PLEKHH2: variants seen among roughly 807,000 people sequenced by gnomAD.
The protein encoded by PLEKHH2 is pleckstrin homology domain-containing family H member 2.
In PLEKHH2, 129 loss-of-function variants were observed where a neutral mutation model predicts 187.9. That is an observed-to-expected ratio of 0.69 (90% CI 0.59 to 0.79). The LOEUF is 0.79. PLEKHH2 is among the 30% of genes least tolerant of loss of function. PLEKHH2 has a pLI of 0.00. For synonymous variants in PLEKHH2, 686 were observed against 605.6 expected (o/e 1.13, Z -1.95); for missense variants, 2,076 against 1,751.2 (o/e 1.19, Z -3.31).
At chr2:43,684,929 A>C (rs1393811963) in intron 3 of PLEKHH2, among the ~76,000 whole-genome samples, 2 of 151,924 alleles carry the variant, frequency 1.3e-5, no homozygotes, top group Non-Finnish European at 2.9e-5. Flanking sequence ...TATTTACTGC[A>C]TATTTTGTTA....
At chr2:43,676,908 T>A (rs1028771601) in intron 2 of PLEKHH2, among the ~76,000 whole-genome samples, 4 of 152,210 alleles carry the variant, frequency 2.6e-5, no homozygotes, top group Non-Finnish European at 4.4e-5. Context: ...CTTGATGTCA[T>A]TATGACTTTT....
rs897903686 is a variant in PLEKHH2, at chr2:43,767,243, C to G, written c.*1645C>G. ...TTAGCTGCTGAATTAATTTGTTGCCCGAGCCTTCATATTTTCTTCTTTGCT... is the reference window on the plus strand; with the variant it reads ...TTAGCTGCTGAATTAATTTGTTGCCGGAGCCTTCATATTTTCTTCTTTGCT... On this transcript the variant is annotated 3_prime_UTR_variant, in exon 30 of 30. Transcript: ENST00000282406. The G allele has an allele frequency of 3.3e-5, 5 of 151,908 alleles. No individual in the cohort carries two copies. The highest frequency in any genetic ancestry group is 4.8e-5 in the African/African-American group (2 of 41,296). The allele number at this position is 151,908 out of a possible 1,614,324, so 9.4% of individuals were successfully genotyped here.
intron 2 of PLEKHH2, chr2:43,676,450 C>T (rs1572531592): frequency 4.4e-6 from 3 of 686,684 alleles, no homozygotes; most frequent in South Asian, 4.2e-5. Context: ...GGTCGCTTCT[C>T]GGTGGCGTAG....
rs537108294 is a variant in PLEKHH2, at chr2:43,679,557, G to A, written c.186+632G>A. 36 of 302,108 alleles carry A rather than the reference G, an allele frequency of 1.2e-4. 1 individual carries two copies. Among genetic ancestry groups the A allele is most frequent in the South Asian group, 8.1e-4 (31 of 38,410 alleles). The allele number at this position is 302,108 out of a possible 1,614,324, so 18.7% of individuals were successfully genotyped here. On this transcript the variant is annotated intron_variant, in intron 3 of 29. Transcript: ENST00000282406. ...GTGGCCCAGGCTGGAGTGCAGTGGC[G>A]CGATCTTGGCTTACTGCAACCTCCG... is the stretch of plus-strand genomic sequence containing the variant.
At chr2:43,728,087 A>T (rs1670853482) in intron 17 of PLEKHH2, among the ~76,000 whole-genome samples, 1 of 152,212 alleles carries the variant, frequency 6.6e-6, no homozygotes, top group Non-Finnish European at 1.5e-5. Context: ...AAATTAGTGT[A>T]AATGCTTTGG....
Position 43,721,680 on chromosome 2 carries a change from G to A in PLEKHH2, c.2541+931G>A, listed in dbSNP as rs550142804. ...GTGGGAGGATCGTTTGAGCCCAGGA[G>A]TTTGAGACCAGCCTGGACAACATAG... On this transcript the variant is annotated intron_variant, in intron 16 of 29. Transcript: ENST00000282406. Among the ~76,000 whole-genome samples, 10 of 152,272 alleles carry A rather than the reference G, an allele frequency of 6.6e-5. No homozygotes were observed. In the East Asian group the frequency reaches 1.9e-3, roughly 29 times the overall value.
Position 43,692,798 on chromosome 2 carries a change from T to C in PLEKHH2, c.336+135T>C, listed in dbSNP as rs190882953. On this transcript the variant is annotated intron_variant, in intron 4 of 29. Coordinates refer to ENST00000282406, the MANE Select transcript of PLEKHH2 (RefSeq NM_172069.4). ...TATTCGGTCAACCCATAGGATTGCA[T>C]CACATTTATTGGTGAAAGGTGCAAG... 2.6e-3 allele frequency: 2,529 copies of C among 955,370 alleles called. 3 individuals carry two copies. The highest frequency in any genetic ancestry group is 3.6e-3 in the Non-Finnish European group (2,290 of 642,306). The allele number at this position is 955,370 out of a possible 1,614,324, so 59.2% of individuals were successfully genotyped here. A position where few individuals can be genotyped will look rare whatever the true frequency, so the allele number is the denominator to read the frequency against.
chr2:43,681,388 C>G lies in PLEKHH2; in HGVS notation c.186+2463C>G, dbSNP rs184812049. The G allele has an allele frequency of 3.5e-3, 5,392 of 1,535,686 alleles. 16 individuals are homozygous for G. Among genetic ancestry groups the G allele is most frequent in the Non-Finnish European group, 4.2e-3 (4,726 of 1,130,750 alleles). On this transcript the variant is annotated intron_variant, in intron 3 of 29. Transcript: ENST00000282406. Reference sequence around the variant, plus strand: ...ACTTCTTGGCTGCTACTGGAAGGTTCTTGTCGACTTTGTTCTTTCCTTTGT... The same window carrying G: ...ACTTCTTGGCTGCTACTGGAAGGTTGTTGTCGACTTTGTTCTTTCCTTTGT...
chr2:43,725,749 C>A (rs1378894481), intron 16 of PLEKHH2, among the ~76,000 whole-genome samples: 3 of 152,102 alleles, frequency 2.0e-5, no homozygotes, highest in South Asian at 4.1e-4. Flanking sequence ...TACTTTTAGG[C>A]TCTTTGGTTG....
chr2:43,726,228 G>T lies in PLEKHH2; in HGVS notation c.2542-44G>T, dbSNP rs201178892. ...ACTATGAAATGTTTTAGTAGGAAAA[G>T]ATTTAGAAAATGCCTTCCTCACAAT... On this transcript the variant is annotated intron_variant, in intron 16 of 29. Coordinates refer to ENST00000282406, the MANE Select transcript of PLEKHH2 (RefSeq NM_172069.4). 1.6e-4 allele frequency: 217 copies of T among 1,372,432 alleles called. No individual in the cohort carries two copies. In the African/African-American group the frequency reaches 2.1e-3, roughly 13 times the overall value. 85.0% of individuals were successfully genotyped at this position (1,372,432 alleles called of 1,614,324 possible). A position where few individuals can be genotyped will look rare whatever the true frequency, so the allele number is the denominator to read the frequency against.
At position 43,647,420 on chromosome 2, in the gene PLEKHH2, C is replaced by T. The variant is rs1428235285; in HGVS notation, c.123+2624C>T. ...CATTCTGTCTTTTTAAGCCTGAAGG[C>T]TTAGCTATCAGCCTATATGGCCTTT... On this transcript the variant is annotated intron_variant, in intron 2 of 29. Coordinates refer to ENST00000282406, the MANE Select transcript of PLEKHH2 (RefSeq NM_172069.4). Among the ~76,000 whole-genome samples, 9 of 152,190 alleles carry T rather than the reference C, an allele frequency of 5.9e-5. No individual in the cohort carries two copies. In the South Asian group the frequency reaches 1.9e-3, roughly 31 times the overall value.
At chr2:43,763,723 C>T (rs1672518405) in intron 28 of PLEKHH2, among the ~76,000 whole-genome samples, 1 of 151,504 alleles carries the variant, frequency 6.6e-6, no homozygotes, top group South Asian at 2.1e-4. Context: ...GTTTTGGAAA[C>T]ACATTAGAAA....
At chr2:43,644,918 A>T in intron 2 of PLEKHH2, 122 bp downstream of exon 2, 1 of 1,114,754 alleles carries the variant, frequency 9.0e-7, no homozygotes, top group Non-Finnish European at 1.2e-6. Flanking sequence ...TTGAAGCTAT[A>T]TTTGGCATAT....
In PLEKHH2 at chr2:43,703,888, A is replaced by G. The variant is rs991435730; in HGVS notation, c.1651-93A>G. On this transcript the variant is annotated intron_variant, in intron 8 of 29. Transcript: ENST00000282406. ...TCTAGTGAATCTTAAATGAAGAACAAATGAAAAACATGTGTATTGAAAGTA... is the reference window on the plus strand; with the variant it reads ...TCTAGTGAATCTTAAATGAAGAACAGATGAAAAACATGTGTATTGAAAGTA... The G allele has an allele frequency of 3.6e-5, 29 of 805,230 alleles. No homozygotes were observed. In the Admixed American group the frequency reaches 7.1e-4, roughly 20 times the overall value. The allele number at this position is 805,230 out of a possible 1,614,324, so 49.9% of individuals were successfully genotyped here.
chr2:43,701,427 T>C (rs751399251), intron 8 of PLEKHH2, among the ~76,000 whole-genome samples: 2 of 152,124 alleles, frequency 1.3e-5, no homozygotes, highest in Non-Finnish European at 2.9e-5. Flanking sequence ...CAGTGTTCAA[T>C]TACTGGAGGT....
At chr2:43,652,952 G>GA (rs965476085) in intron 2 of PLEKHH2, among the ~76,000 whole-genome samples, 5 of 152,090 alleles carry the variant, frequency 3.3e-5, no homozygotes, top group Non-Finnish European at 7.4e-5. Flanking sequence ...AAACATGGTA[G>GA]AAAAAATGGC....
At chr2:43,748,516 A>G (rs1264910691) in intron 24 of PLEKHH2, among the ~76,000 whole-genome samples, 5 of 152,250 alleles carry the variant, frequency 3.3e-5, no homozygotes, top group Non-Finnish European at 5.9e-5. Flanking sequence ...CACGTGGAAC[A>G]TGTTAGAAAT....
intron 2 of PLEKHH2, among the ~76,000 whole-genome samples, chr2:43,660,475 T>A (rs116529910): frequency 0.011 from 1,603 of 150,886 alleles, 55 homozygotes; most frequent in East Asian, 0.047. Context: ...GAATTTATTT[T>A]TTTTTTTTTA....
At chr2:43,693,875 C>G (rs1668958955) in intron 4 of PLEKHH2, among the ~76,000 whole-genome samples, 1 of 151,986 alleles carries the variant, frequency 6.6e-6, no homozygotes, top group Non-Finnish European at 1.5e-5. Context: ...TTGATAAAGA[C>G]CAGTGTTTCT....
Sources: gnomAD v4.1 joint callset for allele counts (sites outside exome capture counted in the v4.1 genomes callset) on GRCh38, gnomAD v4.1.1 for gene constraint, MANE v1.5 for transcripts, NCBI Gene and HGNC (gene_info 2026-07-23, HGNC 2026-07-21) for gene names.